NDUFS1: variants seen among roughly 807,000 people sequenced by gnomAD.
NDUFS1 encodes the protein NADH:ubiquinone oxidoreductase core subunit S1, also known as NADH-ubiquinone oxidoreductase 75 kDa subunit, mitochondrial.
A neutral mutation model predicts 84.4 loss-of-function variants in NDUFS1; 61 were observed. That is an observed-to-expected ratio of 0.72 (90% CI 0.59 to 0.89). The LOEUF (loss-of-function observed/expected upper bound fraction) is 0.89. Ranked by LOEUF, NDUFS1 falls within the 40% of genes least tolerant of loss-of-function variation. The pLI is 0.00. For missense variants in NDUFS1, 891 were observed against 890.0 expected (o/e 1.00, Z -0.01); for synonymous variants, 275 against 290.0 (o/e 0.95, Z 0.53).
At chr2:206,152,315 GTTATT>G (rs1232832487) in intron 3 of NDUFS1, 99 bp downstream of exon 3, 6 of 871,292 alleles carry the variant, frequency 6.9e-6, no homozygotes, top group African/African-American at 3.4e-5. Context: ...GCTGTGTATA[GTTATT>G]TTAAAGAATT....
In NDUFS1 at chr2:206,149,663, T is replaced by C. The variant is rs149890859; in HGVS notation, c.261+155A>G. The C allele has an allele frequency of 1.2e-3, 788 of 649,818 alleles. 10 individuals carry two copies. The African/African-American group carries it at 0.013, about 11-fold the overall frequency. The allele number at this position is 649,818 out of a possible 1,614,324, so 40.3% of individuals were successfully genotyped here. ...TATCTATGTGTTTCCAGTTTTGAAA[T>C]GAAGAGAATCAATTGTACAAAAGAA... is the stretch of plus-strand genomic sequence containing the variant. On this transcript the variant is annotated intron_variant, in intron 4 of 18. Transcript: ENST00000233190.
intron 10 of NDUFS1, among the ~76,000 whole-genome samples, chr2:206,143,651 G>A (rs772598352): frequency 2.0e-5 from 3 of 151,224 alleles, no homozygotes; most frequent in South Asian, 2.1e-4. Flanking sequence ...GTGCGATCTC[G>A]GCTCACTGCA....
At chr2:206,136,622 C>T (rs1392577632) in intron 13 of NDUFS1, among the ~76,000 whole-genome samples, 4 of 151,448 alleles carry the variant, frequency 2.6e-5, no homozygotes, top group Non-Finnish European at 5.9e-5. Flanking sequence ...TTAGTAGAGA[C>T]GGGGTTTAAC....
chr2:206,148,204 C>T (rs1692235145), intron 5 of NDUFS1, among the ~76,000 whole-genome samples: 2 of 152,284 alleles, frequency 1.3e-5, no homozygotes, highest in South Asian at 2.1e-4. Context: ...GAATTACAGG[C>T]GTGAGCCACT....
chr2:206,139,370 G>C (rs1044409377), intron 12 of NDUFS1, among the ~76,000 whole-genome samples: 1 of 151,784 alleles, frequency 6.6e-6, no homozygotes, highest in African/African-American at 2.4e-5. Context: ...ATTTTTAGTA[G>C]AAGGCAGGCT....
intron 12 of NDUFS1, among the ~76,000 whole-genome samples, chr2:206,141,358 C>T (rs180745133): frequency 7.3e-5 from 11 of 150,730 alleles, no homozygotes; most frequent in African/African-American, 2.4e-4. Context: ...CGGTGAAACC[C>T]CGTCTCTACT....
Position 206,159,321 on chromosome 2 carries a change from C to A in NDUFS1, c.-5+20G>T. On this transcript the variant is annotated intron_variant, in intron 1 of 18. Transcript: ENST00000233190. Reference sequence around the variant, plus strand: ...CTCTGGCCGACGCACCTCACCCTTCCCATCCATACAAGACCTCACCTTCTC... The same window carrying A: ...CTCTGGCCGACGCACCTCACCCTTCACATCCATACAAGACCTCACCTTCTC... The A allele has an allele frequency of 1.5e-6, 1 of 647,138 alleles. No homozygotes were observed. The highest frequency in any genetic ancestry group is 2.7e-6 in the Non-Finnish European group (1 of 364,430). 40.1% of individuals were successfully genotyped at this position (647,138 alleles called of 1,614,324 possible).
rs140530293 is a variant in NDUFS1, at chr2:206,138,523, G to A, written c.1354C>T (p.Leu452Phe). ...YDHLGDSPKI[L>F]QDIASGSHPF... ...TGGCTTCCCGAAGCAATGTCTTGAA[G>A]AATTTTGGGGGAGTCTCCCAGGTGG... The change falls in exon 13 of 19, where the codon CTT becomes TTT. Residue 452 changes from leucine to phenylalanine, a missense_variant. Transcript: ENST00000233190. The A allele has an allele frequency of 2.5e-6, 4 of 1,614,004 alleles. No individual in the cohort carries two copies. Among genetic ancestry groups the A allele is most frequent in the Admixed American group, 1.7e-5 (1 of 59,992 alleles).
At chr2:206,147,194 G>C in intron 7 of NDUFS1, 106 bp from the exon 8 acceptor site, 1 of 1,164,036 alleles carries the variant, frequency 8.6e-7, no homozygotes, top group Non-Finnish European at 1.3e-6. Flanking sequence ...AAAGAAATGA[G>C]TATATTTTTA....
Position 206,149,897 on chromosome 2 carries a change from G to A in NDUFS1, c.182C>T (p.Pro61Leu). 1 of 1,587,232 alleles carries A rather than the reference G, an allele frequency of 6.3e-7. No homozygotes were observed. The highest frequency in any genetic ancestry group is 8.6e-7 in the Non-Finnish European group (1 of 1,164,652). Reference sequence around the variant, plus strand: ...CAACCTTTCATGATAACAGAATCGAGGGATCTGCATGCCAACCTTCTCACA... The same window carrying A: ...CAACCTTTCATGATAACAGAATCGAAGGATCTGCATGCCAACCTTCTCACA... ...QACEKVGMQIPRFCYHERLSV... is the reference protein window; with the variant it reads ...QACEKVGMQILRFCYHERLSV... Residue 61 changes from proline (P) to leucine (L), a missense_variant, in exon 4 of 19, where the codon CCT becomes CTT. Pro to Leu is a moderately conservative substitution (Grantham distance 98). Coordinates refer to ENST00000233190, the MANE Select transcript of NDUFS1 (RefSeq NM_005006.7).
Position 206,133,112 on chromosome 2 carries a change from A to G in NDUFS1, c.1393-7T>C. ...TTTTAGCTTCCTTTAGGACCTATTTAAAAAAAAAAACAACTTTGATTTTAA... is the reference window on the plus strand; with the variant it reads ...TTTTAGCTTCCTTTAGGACCTATTTGAAAAAAAAAACAACTTTGATTTTAA... On this transcript the variant is annotated splice_region_variant and splice_polypyrimidine_tract_variant and intron_variant, in intron 13 of 18. Coordinates refer to ENST00000233190, the MANE Select transcript of NDUFS1 (RefSeq NM_005006.7). 7.6e-7 allele frequency: 1 copy of G among 1,309,040 alleles called. No homozygotes were observed. Among genetic ancestry groups the G allele is most frequent in the South Asian group, 1.4e-5 (1 of 72,124 alleles). 81.1% of individuals were successfully genotyped at this position (1,309,040 alleles called of 1,614,324 possible).
chr2:206,152,275 T>C, intron 3 of NDUFS1, 144 bp downstream of exon 3: 1 of 694,764 alleles, frequency 1.4e-6, no homozygotes, highest in Non-Finnish European at 2.5e-6. Context: ...AGTGCCAAGA[T>C]TTAAAATGAA....
chr2:206,117,218 CTG>C lies in NDUFS1; in HGVS notation c.*6965_*6966del, dbSNP rs1370809771. Reference sequence around the variant, plus strand: ...TCAATCAATCAACCCATCACCCAGTCTGTGATATTCTGTTTTAACAGCAGAAA... The same window carrying C: ...TCAATCAATCAACCCATCACCCAGTCTGATATTCTGTTTTAACAGCAGAAA... On this transcript the variant is annotated 3_prime_UTR_variant, in exon 19 of 19. Transcript: ENST00000233190. 6.6e-6 allele frequency: 1 copy of C among 152,152 alleles called. No individual in the cohort carries two copies. The highest frequency in any genetic ancestry group is 6.6e-5 in the Admixed American group (1 of 15,260). The allele number at this position is 152,152 out of a possible 1,614,324, so 9.4% of individuals were successfully genotyped here. A position where few individuals can be genotyped will look rare whatever the true frequency, so the allele number is the denominator to read the frequency against.
Position 206,116,490 on chromosome 2 carries a change from C to G in NDUFS1, c.*7695G>C. On this transcript the variant is annotated 3_prime_UTR_variant, in exon 19 of 19. Coordinates refer to ENST00000233190, the MANE Select transcript of NDUFS1 (RefSeq NM_005006.7). Reference sequence around the variant, plus strand: ...CACGGCCCGCACGCTCCGCACCACTCGCAGCGCCATGTTCCCAGGGGTGCG... The same window carrying G: ...CACGGCCCGCACGCTCCGCACCACTGGCAGCGCCATGTTCCCAGGGGTGCG... The G allele has an allele frequency of 1.7e-6, 2 of 1,211,852 alleles. No individual in the cohort carries two copies. The highest frequency in any genetic ancestry group is 2.5e-5 in the East Asian group (1 of 39,242). 75.1% of individuals were successfully genotyped at this position (1,211,852 alleles called of 1,614,324 possible). A position where few individuals can be genotyped will look rare whatever the true frequency, so the allele number is the denominator to read the frequency against.
rs1401453041 is a variant in NDUFS1, at chr2:206,120,182, T to G, written c.*4003A>C. The G allele has an allele frequency of 6.6e-6, 1 of 152,288 alleles. No homozygotes were observed. The highest frequency in any genetic ancestry group is 1.5e-5 in the Non-Finnish European group (1 of 68,078). 9.4% of individuals were successfully genotyped at this position (152,288 alleles called of 1,614,324 possible). On this transcript the variant is annotated 3_prime_UTR_variant, in exon 19 of 19. Transcript: ENST00000233190. ...CTTTGTGTACAGCCTGCAGAAACTG[T>G]AAGCCAATTAAATCTCTCTTTTGCA...
chr2:206,136,468 C>G (rs192612846), intron 13 of NDUFS1, among the ~76,000 whole-genome samples: 15 of 144,352 alleles, frequency 1.0e-4, no homozygotes, highest in African/African-American at 3.6e-4. Flanking sequence ...GAGTCTCGCT[C>G]TGTCGCCCAG....
chr2:206,157,963 C>CTTCTTTTTT lies in NDUFS1; in HGVS notation c.-5+1377_-5+1378insAAAAAAGAA, dbSNP rs539046435. On this transcript the variant is annotated intron_variant, in intron 1 of 18. Coordinates refer to ENST00000233190, the MANE Select transcript of NDUFS1 (RefSeq NM_005006.7). ...CTCCTTGCCTGGAGTATTTCAATAG[C>CTTCTTTTTT]TTTTTTTTTTTTTTTTTTGAGACAG... 6.8e-5 allele frequency among the ~76,000 whole-genome samples: 9 copies of CTTCTTTTTT among 131,858 alleles called. 1 individual carries two copies. Among genetic ancestry groups the CTTCTTTTTT allele is most frequent in the African/African-American group, 8.8e-5 (3 of 34,212 alleles). The allele number at this position is 131,858 out of a possible 152,430, so 86.5% of individuals were successfully genotyped here.
chr2:206,149,094 A>G lies in NDUFS1; in HGVS notation c.264T>C (p.Val88=). The G allele has an allele frequency of 6.2e-7, 1 of 1,611,650 alleles. No individual in the cohort carries two copies. The highest frequency in any genetic ancestry group is 8.5e-7 in the Non-Finnish European group (1 of 1,178,588). ...CLVEIEKAPK[V]VAACAMPVMK... is the part of the protein sequence containing the mutation. ...TTACTGGCATGGCACAAGCAGCTAC[A>G]ACCTGGGATTTCAATGAAAAAAAAA... The change falls in exon 5 of 19, where the codon GTT becomes GTC. Residue 88 remains valine, a splice_region_variant and synonymous_variant. Coordinates refer to ENST00000233190, the MANE Select transcript of NDUFS1 (RefSeq NM_005006.7).
chr2:206,147,058 A>G lies in NDUFS1; in HGVS notation c.582T>C (p.Asp194=). 6.2e-7 allele frequency: 1 copy of G among 1,614,156 alleles called. No homozygotes were observed. Among genetic ancestry groups the G allele is most frequent in the South Asian group, 1.1e-5 (1 of 91,080 alleles). ...RFASEIAGVD[D]LGTTGRGNDM... ...CATTTCCTCTGCCTGTTGTTCCCAA[A>G]TCATCTACTCCTGCAATCTCACTTG... is the stretch of plus-strand genomic sequence containing the variant. The change falls in exon 8 of 19, where the codon GAT becomes GAC. Residue 194 remains aspartate (D), a synonymous_variant. Coordinates refer to ENST00000233190, the MANE Select transcript of NDUFS1 (RefSeq NM_005006.7).
Sources: gnomAD v4.1 joint callset for allele counts (sites outside exome capture counted in the v4.1 genomes callset) on GRCh38, gnomAD v4.1.1 for gene constraint, MANE v1.5 for transcripts, NCBI Gene and HGNC (gene_info 2026-07-23, HGNC 2026-07-21) for gene names.